Variants in EPHX1 observed in about 807,000 individuals in gnomAD.
EPHX1 encodes epoxide hydratase.
EPHX1 carries 40 observed loss-of-function variants against 43.2 expected under a neutral mutation model. The ratio of observed to expected loss-of-function variants is 0.93; its 90% CI spans 0.72 to 1.21. The LOEUF (loss-of-function observed/expected upper bound fraction) is 1.21, where lower values mean the gene tolerates loss of function less well. Ranked by LOEUF, EPHX1 falls within the 50% of genes most tolerant of loss-of-function variation. The pLI is 0.00. For synonymous variants in EPHX1, 221 were observed against 226.7 expected, an observed-to-expected ratio of 0.98 and a Z score of 0.22; for missense variants, 550 against 570.4, an observed-to-expected ratio of 0.96 and a Z score of 0.36.
At position 225,845,326 on chromosome 1, in the gene EPHX1, G is replaced by A. The variant is rs758813207; in HGVS notation, c.1347G>A (p.Leu449=). The change falls in exon 9 of 9, where the codon CTG becomes CTA. Residue 449 remains leucine (L), a synonymous_variant. Coordinates refer to ENST00000272167, the MANE Select transcript of EPHX1 (RefSeq NM_001136018.4). ...ELLAQDIRKF[L]SVLERQ The stretch of plus-strand genomic sequence containing the variant: ...TCGCCCAGGACATCCGCAAGTTCCT[G>A]TCGGTGCTGGAGCGGCAATGACCCA... 6.8e-6 allele frequency: 11 copies of A among 1,611,342 alleles called. No homozygotes were observed. Among genetic ancestry groups the A allele is most frequent in the Admixed American group, 5.0e-5 (3 of 59,984 alleles).
rs576894007 is a variant in EPHX1, at chr1:225,817,193, T to C, written c.-6+7024T>C. Among the ~76,000 whole-genome samples the C allele has an allele frequency of 8.6e-5, 13 of 151,020 alleles. No individual in the cohort carries two copies. Among genetic ancestry groups the C allele is most frequent in the African/African-American group, 3.2e-4 (13 of 40,978 alleles). ...CTCTTCCATCCTGAGTCTCCAGGGG[T>C]CCCTGGGGTTCAGGGACAATGGCTG... On this transcript the variant is annotated intron_variant, in intron 1 of 8. Transcript: ENST00000272167. This position sits in a 1 kb window ranked among gnomAD's most constrained non-coding sequence, Gnocchi z 5.7.
rs45623933 is a variant in EPHX1, at chr1:225,833,141, G to A, written c.364+1182G>A. ...CCTGAATAGCTGGTACTATAGGCGA[G>A]CACCACTGTGCCCAGCTTGTTAATT... On this transcript the variant is annotated intron_variant, in intron 3 of 8. Transcript: ENST00000272167. Among the ~76,000 whole-genome samples the A allele has an allele frequency of 8.4e-3, 1,276 of 152,308 alleles. 21 individuals carry two copies. The highest frequency in any genetic ancestry group is 0.03 in the African/African-American group (1,227 of 41,574).
In EPHX1 at chr1:225,839,362, G is replaced by GGT; in HGVS notation, c.722+17_722+18insTG. 1 of 1,584,608 alleles carries GGT rather than the reference G, an allele frequency of 6.3e-7. No individual in the cohort carries two copies. Among genetic ancestry groups the GGT allele is most frequent in the Non-Finnish European group, 8.5e-7 (1 of 1,170,132 alleles). On this transcript the variant is annotated intron_variant, in intron 5 of 8. Transcript: ENST00000272167. The stretch of plus-strand genomic sequence containing the variant: ...TGGTGCCCAGGTGAGGTCACTGTTG[G>GGT]GGTGGTGTGTGTGTGTGTGTGTGTG...
intron 5 of EPHX1, 34 bp from the exon 6 acceptor site, chr1:225,839,795 C>A: frequency 6.2e-7 from 1 of 1,607,764 alleles, no homozygotes; most frequent in Non-Finnish European, 8.5e-7. Flanking sequence ...TGACACCAGC[C>A]CAGCCTCACC....
At chr1:225,839,683 C>T (rs1009810683) in intron 5 of EPHX1, 146 bp from the exon 6 acceptor site, 3 of 965,714 alleles carry the variant, frequency 3.1e-6, no homozygotes, top group South Asian at 1.3e-5. Flanking sequence ...CTCCAACTCC[C>T]ATGGCCTCCC....
chr1:225,825,917 C>T lies in EPHX1; in HGVS notation c.-5-2808C>T, dbSNP rs1305166146. 5.3e-5 allele frequency among the ~76,000 whole-genome samples: 8 copies of T among 152,206 alleles called. No individual in the cohort carries two copies. The East Asian group carries it at 7.7e-4, about 15-fold the overall frequency. On this transcript the variant is annotated intron_variant, in intron 1 of 8. Transcript: ENST00000272167. ...TAACCCCTAGTCCTGCTTTCAATACCGCAGGGGCTTTTAGCTGACTTTTCT... is the reference window on the plus strand; with the variant it reads ...TAACCCCTAGTCCTGCTTTCAATACTGCAGGGGCTTTTAGCTGACTTTTCT...
rs2234922 is a variant in EPHX1 at position 225,838,705 on chromosome 1, A to G, written c.416A>G (p.His139Arg). ...AAGCCCCCCCAGCTGCCCGCAGGCC[A>G]TACCCCGAAGCCCTTGCTGATGGTG... ...HVKPPQLPAGHTPKPLLMVHG... is the reference protein window; with the variant it reads ...HVKPPQLPAGRTPKPLLMVHG... The change falls in exon 4 of 9, where the codon CAT (histidine) becomes CGT (arginine). Residue 139 changes from histidine to arginine, a missense_variant. Coordinates refer to ENST00000272167, the MANE Select transcript of EPHX1 (RefSeq NM_001136018.4). 323,959 of 1,613,876 alleles carry G rather than the reference A, an allele frequency of 0.2. 34,207 individuals carry two copies. The highest frequency in any genetic ancestry group is 0.34 in the African/African-American group (25,545 of 74,926).
intron 7 of EPHX1, among the ~76,000 whole-genome samples, chr1:225,843,818 G>C (rs540251446): frequency 6.6e-6 from 1 of 152,338 alleles, no homozygotes; most frequent in Admixed American, 6.5e-5. Flanking sequence ...TCACAGAGGT[G>C]ATGTGTATAC....
rs532670940 is a variant in EPHX1, at chr1:225,831,351, C to T, written c.184-428C>T. On this transcript the variant is annotated intron_variant, in intron 2 of 8. Coordinates refer to ENST00000272167, the MANE Select transcript of EPHX1 (RefSeq NM_001136018.4). ...ATCACTTGAAGCCAGGAGTTCAAGA[C>T]CAGCCTGGCCAACATGGCAAAACCC... 3.9e-5 allele frequency among the ~76,000 whole-genome samples: 6 copies of T among 152,234 alleles called. No individual in the cohort carries two copies. The East Asian group carries it at 1.2e-3, about 29-fold the overall frequency.
intron 5 of EPHX1, 46 bp from the exon 6 acceptor site, chr1:225,839,783 C>G (rs1351735681): frequency 6.3e-7 from 1 of 1,595,708 alleles, no homozygotes; most frequent in Non-Finnish European, 8.6e-7. Flanking sequence ...TCTCCCTGTC[C>G]TTGACACCAG....
intron 1 of EPHX1, among the ~76,000 whole-genome samples, chr1:225,815,774 C>T (rs146368951): frequency 6.6e-6 from 1 of 152,300 alleles, no homozygotes; most frequent in Non-Finnish European, 1.5e-5. Flanking sequence ...CTAGATGAGA[C>T]GGCAGGCTCA....
intron 2 of EPHX1, among the ~76,000 whole-genome samples, chr1:225,829,605 C>T (rs368034499): frequency 5.3e-5 from 8 of 152,110 alleles, no homozygotes; most frequent in South Asian, 4.2e-4. Context: ...GGGGACAGGA[C>T]GGTAGGCAGG....
At chr1:225,841,408 A>T (rs1395738952) in intron 6 of EPHX1, among the ~76,000 whole-genome samples, 1 of 151,396 alleles carries the variant, frequency 6.6e-6, no homozygotes, top group Non-Finnish European at 1.5e-5. Context: ...TCAGCCTCCC[A>T]AGTAGCTGGG....
At position 225,838,814 on chromosome 1, in the gene EPHX1, G is replaced by A; in HGVS notation, c.525G>A (p.Glu175=). Reference sequence around the variant, plus strand: ...CCAAGAACCATGGCCTGAGCGATGAGCACGTTTTTGAAGTCATCTGCCCTT... The same window carrying A: ...CCAAGAACCATGGCCTGAGCGATGAACACGTTTTTGAAGTCATCTGCCCTT... ...TDPKNHGLSD[E]HVFEVICPSI... Residue 175 remains glutamate (E), a synonymous_variant, in exon 4 of 9, where the codon GAG becomes GAA. Coordinates refer to ENST00000272167, the MANE Select transcript of EPHX1 (RefSeq NM_001136018.4). The A allele has an allele frequency of 1.2e-6, 2 of 1,614,196 alleles. No individual in the cohort carries two copies. The highest frequency in any genetic ancestry group is 1.1e-5 in the South Asian group (1 of 91,082).
At chr1:225,819,836 C>T (rs1666903141) in intron 1 of EPHX1, among the ~76,000 whole-genome samples, 1 of 152,174 alleles carries the variant, frequency 6.6e-6, no homozygotes, top group Non-Finnish European at 1.5e-5. Context: ...CTCTGTCATA[C>T]TTAGCTGCCA....
chr1:225,821,098 T>C (rs116202437), intron 1 of EPHX1, among the ~76,000 whole-genome samples: 1,803 of 152,322 alleles, frequency 0.012, 39 homozygotes, highest in African/African-American at 0.041. Flanking sequence ...AAGAGTTCAT[T>C]TGAACTTTAA....
At chr1:225,827,994 C>G (rs900190671) in intron 1 of EPHX1, among the ~76,000 whole-genome samples, 1 of 152,194 alleles carries the variant, frequency 6.6e-6, no homozygotes, top group Non-Finnish European at 1.5e-5. Context: ...AAAGGTGCTC[C>G]TCTCCCCTGG....
chr1:225,821,127 A>G (rs1666960944), intron 1 of EPHX1, among the ~76,000 whole-genome samples: 1 of 152,264 alleles, frequency 6.6e-6, no homozygotes, highest in Non-Finnish European at 1.5e-5. Context: ...CTTAAAATGA[A>G]TTGTATGTTT....
chr1:225,839,648 C>T (rs892733086), intron 5 of EPHX1, among the ~76,000 whole-genome samples, 181 bp from the exon 6 acceptor site: 1 of 152,130 alleles, frequency 6.6e-6, no homozygotes, highest in Non-Finnish European at 1.5e-5. Context: ...TCCCCAGAAA[C>T]TGTATTTTTC....
Sources: gnomAD v4.1 joint callset for allele counts (sites outside exome capture counted in the v4.1 genomes callset) on GRCh38, gnomAD v4.1.1 for gene constraint, Gnocchi (gnomAD v3.1) non-coding constraint, MANE v1.5 for transcripts, NCBI Gene and HGNC (gene_info 2026-07-23, HGNC 2026-07-21) for gene names.